AGRN: variants seen among roughly 807,000 people sequenced by gnomAD.
AGRN encodes agrin proteoglycan.
A neutral mutation model predicts 211.0 loss-of-function variants in AGRN; 106 were observed. The observed-to-expected ratio is 0.50, with a 90% CI of 0.43 to 0.59. The LOEUF (loss-of-function observed/expected upper bound fraction) is 0.59, where lower values mean the gene tolerates loss of function less well. AGRN is among the 20% of genes least tolerant of loss of function. AGRN has a pLI of 0.00. For missense variants in AGRN, 3,040 were observed against 2,982.6 expected (o/e 1.02, Z -0.45); for synonymous variants, 1,525 against 1,332.5 (o/e 1.14, Z -3.15).
chr1:1,047,041 G>A lies in AGRN; in HGVS notation c.3388+84G>A. 3.9e-6 allele frequency: 6 copies of A among 1,537,056 alleles called. No individual in the cohort carries two copies. The South Asian group carries it at 6.0e-5, about 15-fold the overall frequency. The stretch of plus-strand genomic sequence containing the variant: ...GCCCCCTCGCCTGGGCAGCAGGTCA[G>A]TGCCGGGGGTTATGGTCTTGGGACT... On this transcript the variant is annotated intron_variant, in intron 19 of 35. Coordinates refer to ENST00000379370, the MANE Select transcript of AGRN (RefSeq NM_198576.4).
chr1:1,040,191 G>T (rs547344029), intron 3 of AGRN, among the ~76,000 whole-genome samples: 53 of 152,324 alleles, frequency 3.5e-4, no homozygotes, highest in African/African-American at 1.2e-3. Context: ...GCGCGGGAAG[G>T]GGCTCCCCCG....
intron 2 of AGRN, among the ~76,000 whole-genome samples, chr1:1,027,739 C>T (rs1644550634): frequency 6.6e-6 from 1 of 152,154 alleles, no homozygotes; most frequent in South Asian, 2.1e-4. Context: ...AGATGGGACT[C>T]TGTCTGGGGG....
At chr1:1,050,984 C>G (rs915638769) in intron 30 of AGRN, 147 bp downstream of exon 30, 3 of 1,550,394 alleles carry the variant, frequency 1.9e-6, no homozygotes, top group Non-Finnish European at 2.6e-6. Flanking sequence ...CTCTGCCTCC[C>G]TGCTCTCTGC....
At position 1,055,408 on chromosome 1, in the gene AGRN, T is replaced by G; in HGVS notation, c.*427T>G. On this transcript the variant is annotated 3_prime_UTR_variant, in exon 36 of 36. Transcript: ENST00000379370. ...TCCAAGCCCCCATTTGAGCTGCTCC[T>G]TCCTGTGTGTGCTCTGGGCCCTGCC... 3.0e-6 allele frequency: 1 copy of G among 328,992 alleles called. No homozygotes were observed. 20.4% of individuals were successfully genotyped at this position (328,992 alleles called of 1,614,324 possible).
chr1:1,049,929 C>G lies in AGRN; in HGVS notation c.4771C>G (p.Pro1591Ala), dbSNP rs1406970952. 6.2e-7 allele frequency: 1 copy of G among 1,611,904 alleles called. No homozygotes were observed. The highest frequency in any genetic ancestry group is 8.5e-7 in the Non-Finnish European group (1 of 1,179,694). Residue 1591 changes from proline (P) to alanine (A), a missense_variant, in exon 27 of 36, where the codon CCC becomes GCC. Physicochemically the swap from Pro to Ala is conservative, Grantham distance 27. Transcript: ENST00000379370. Reference protein sequence around the residue: ...VGPTCADEKSPCQPNPCHGAA... With the variant: ...VGPTCADEKSACQPNPCHGAA... ...ACCAACCTGTGCCGATGAGAAGAGC[C>G]CCTGCCAGCCCAACCCCTGCCATGG...
In AGRN at chr1:1,055,354, C is replaced by T. The variant is rs973291081; in HGVS notation, c.*373C>T. The T allele has an allele frequency of 2.7e-6, 1 of 367,466 alleles. No individual in the cohort carries two copies. Among genetic ancestry groups the T allele is most frequent in the Non-Finnish European group, 5.3e-6 (1 of 188,840 alleles). 22.8% of individuals were successfully genotyped at this position (367,466 alleles called of 1,614,324 possible). A position where few individuals can be genotyped will look rare whatever the true frequency, so the allele number is the denominator to read the frequency against. On this transcript the variant is annotated 3_prime_UTR_variant, in exon 36 of 36. Coordinates refer to ENST00000379370, the MANE Select transcript of AGRN (RefSeq NM_198576.4). ...AGGGGCTGCTGAGGTCTGATGGGGCCCTTCCTCCGGGTGACCCCACAGGGC... is the reference window on the plus strand; with the variant it reads ...AGGGGCTGCTGAGGTCTGATGGGGCTCTTCCTCCGGGTGACCCCACAGGGC...
intron 2 of AGRN, among the ~76,000 whole-genome samples, chr1:1,026,600 A>G (rs1369149227): frequency 6.6e-6 from 1 of 151,792 alleles, no homozygotes; most frequent in African/African-American, 2.4e-5. Context: ...CCACAGCCCC[A>G]CCAGCGGCCT....
Position 1,048,370 on chromosome 1 carries a change from G to A in AGRN, c.4105+5G>A. The A allele has an allele frequency of 1.4e-6, 2 of 1,453,560 alleles. No homozygotes were observed. Among genetic ancestry groups the A allele is most frequent in the Non-Finnish European group, 1.8e-6 (2 of 1,098,828 alleles). The allele number at this position is 1,453,560 out of a possible 1,614,324, so 90.0% of individuals were successfully genotyped here. A position where few individuals can be genotyped will look rare whatever the true frequency, so the allele number is the denominator to read the frequency against. Reference sequence around the variant, plus strand: ...GAGGCGCCGTCTGTGAGAAGGGTAAGGATGTCCACTGCAGAGGAGGGCGGG... The same window carrying A: ...GAGGCGCCGTCTGTGAGAAGGGTAAAGATGTCCACTGCAGAGGAGGGCGGG... On this transcript the variant is annotated splice_donor_5th_base_variant and intron_variant, in intron 23 of 35. Coordinates refer to ENST00000379370, the MANE Select transcript of AGRN (RefSeq NM_198576.4). The surrounding 1 kb of genome is among the most constrained non-coding windows in gnomAD (Gnocchi z 5.9).
At position 1,042,400 on chromosome 1, in the gene AGRN, C is replaced by T. The variant is rs2710875; in HGVS notation, c.1384+238C>T. 0.8 allele frequency among the ~76,000 whole-genome samples: 122,082 copies of T among 152,116 alleles called. 51,776 individuals are homozygous for T. Among genetic ancestry groups the T allele is most frequent in the East Asian group, 0.97 (4,998 of 5,164 alleles). On this transcript the variant is annotated intron_variant, in intron 7 of 35. Coordinates refer to ENST00000379370, the MANE Select transcript of AGRN (RefSeq NM_198576.4). ...GCTCCCTGGTCCCTGACCTCAGCCA[C>T]GCCCTCCCTGGGAGTCCTCTGGCCT... is the stretch of plus-strand genomic sequence containing the variant.
At chr1:1,042,655 T>G (rs1460947440) in intron 7 of AGRN, among the ~76,000 whole-genome samples, 1 of 152,190 alleles carries the variant, frequency 6.6e-6, no homozygotes, top group Non-Finnish European at 1.5e-5. Flanking sequence ...CTTTGGTCTC[T>G]TCTTCCCTGT....
In AGRN at chr1:1,047,373, C is replaced by T. The variant is rs1231692850; in HGVS notation, c.3435C>T (p.Gly1145=). ...QGVLELEGVE[G]QELFYTPEMA... is the part of the protein sequence containing the mutation. ...TCCTGGAGCTGGAGGGCGTCGAGGG[C>T]CAGGAGCTGTTCTACACGCCCGAGA... The change falls in exon 20 of 36, where the codon GGC becomes GGT. Residue 1145 remains glycine (G), a synonymous_variant. Coordinates refer to ENST00000379370, the MANE Select transcript of AGRN (RefSeq NM_198576.4). 6.2e-7 allele frequency: 1 copy of T among 1,610,960 alleles called. No individual in the cohort carries two copies.
At chr1:1,043,112 C>G (rs768015984) in intron 7 of AGRN, 127 bp from the exon 8 acceptor site, 5 of 1,080,194 alleles carry the variant, frequency 4.6e-6, no homozygotes, top group Non-Finnish European at 4.0e-6. Flanking sequence ...GCATCTGGCC[C>G]TTCTCCTGTG....
rs370941734 is a variant in AGRN at position 1,050,707 on chromosome 1, C to T, written c.5142-19C>T. ...GCCGGTGGTGGACAGAGCCCACTCA[C>T]GCTGCCCCTCCTCACCAGGAGCAGG... On this transcript the variant is annotated intron_variant, in intron 29 of 35. Transcript: ENST00000379370. The T allele has an allele frequency of 2.1e-5, 34 of 1,599,708 alleles. No homozygotes were observed. Among genetic ancestry groups the T allele is most frequent in the Middle Eastern group, 2.1e-4 (1 of 4,798 alleles).
chr1:1,025,003 G>A (rs1053680189), intron 2 of AGRN, among the ~76,000 whole-genome samples: 1 of 152,146 alleles, frequency 6.6e-6, no homozygotes, highest in Admixed American at 6.5e-5. Flanking sequence ...ACCCTGTCCT[G>A]TCTGGGCACT....
At chr1:1,041,726 G>T in intron 6 of AGRN, 24 bp downstream of exon 6, 1 of 1,572,148 alleles carries the variant, frequency 6.4e-7, no homozygotes, top group Non-Finnish European at 8.6e-7. Context: ...CCGGGGGAGG[G>T]CTCCGGCCAG....
At chr1:1,045,645 A>AGAGCCAGGGTTGGGGACCAGGCT in intron 14 of AGRN, 88 bp from the exon 15 acceptor site, 1 of 1,609,118 alleles carries the variant, frequency 6.2e-7, no homozygotes, top group Non-Finnish European at 8.5e-7. Context: ...GGGGCTGGGC[A>AGAGCCAGGGTTGGGGACCAGGCT]GAGCCAGGGT....
chr1:1,048,721 C>G lies in AGRN; in HGVS notation c.4106-146C>G. 2 of 962,374 alleles carry G rather than the reference C, an allele frequency of 2.1e-6. No individual in the cohort carries two copies. Among genetic ancestry groups the G allele is most frequent in the Non-Finnish European group, 1.5e-6 (1 of 672,226 alleles). 59.6% of individuals were successfully genotyped at this position (962,374 alleles called of 1,614,324 possible). ...GGCGGAGGTTGCGGTGAGCCAGGAT[C>G]GCGCCACTGCACTCCAGCCGGGGCA... On this transcript the variant is annotated intron_variant, in intron 23 of 35. Transcript: ENST00000379370. The surrounding 1 kb of genome is among the most constrained non-coding windows in gnomAD (Gnocchi z 5.9).
Position 1,051,491 on chromosome 1 carries a change from C to A in AGRN, c.5409C>A (p.His1803Gln), listed in dbSNP as rs192987166. 60 of 1,570,164 alleles carry A rather than the reference C, an allele frequency of 3.8e-5. No individual in the cohort carries two copies. In the South Asian group the frequency reaches 6.4e-4, roughly 17 times the overall value. Reference protein sequence around the residue: ...LGGRQLLTPEHVLRQVDVTSF... With the variant: ...LGGRQLLTPEQVLRQVDVTSF... Reference sequence around the variant, plus strand: ...GCCGCCAGCTGCTGACCCCGGAGCACGTGCTGCGGCAGGTGGACGTCACGT... The same window carrying A: ...GCCGCCAGCTGCTGACCCCGGAGCAAGTGCTGCGGCAGGTGGACGTCACGT... The change falls in exon 32 of 36, where the codon CAC becomes CAA. Residue 1803 changes from histidine (H) to glutamine (Q), a missense_variant. Transcript: ENST00000379370.
chr1:1,055,263 C>T lies in AGRN; in HGVS notation c.*282C>T, dbSNP rs1297245211. The T allele has an allele frequency of 1.9e-5, 9 of 486,204 alleles. No individual in the cohort carries two copies. Among genetic ancestry groups the T allele is most frequent in the South Asian group, 4.0e-5 (2 of 49,534 alleles). 30.1% of individuals were successfully genotyped at this position (486,204 alleles called of 1,614,324 possible). On this transcript the variant is annotated 3_prime_UTR_variant, in exon 36 of 36. Transcript: ENST00000379370. ...TGCGCCTGCCCCACGGTGTCCCCGC[C>T]GGGAAGCAGCCCCGGCTCCTGAATC...
Sources: gnomAD v4.1 joint callset for allele counts (sites outside exome capture counted in the v4.1 genomes callset) on GRCh38, gnomAD v4.1.1 for gene constraint, Gnocchi (gnomAD v3.1) non-coding constraint, MANE v1.5 for transcripts, NCBI Gene and HGNC (gene_info 2026-07-23, HGNC 2026-07-21) for gene names.